PLXNA4: variants seen among roughly 807,000 people sequenced by gnomAD.
PLXNA4 encodes plexin A4.
Under a neutral mutation model 191.8 loss-of-function variants are expected in PLXNA4, and 44 were observed. That is an observed-to-expected ratio of 0.23 (90% CI 0.18 to 0.29). PLXNA4 has a LOEUF of 0.29. Ranked by LOEUF, PLXNA4 falls within the 10% of genes least tolerant of loss-of-function variation. The probability of loss-of-function intolerance (pLI) is 1.00; values close to 1 mark genes in which losing one functional copy is unlikely to be tolerated. For missense variants in PLXNA4, 1,800 were observed against 2,488.8 expected, an observed-to-expected ratio of 0.72 and a Z score of 5.89; for synonymous variants, 1,082 against 1,009.5, an observed-to-expected ratio of 1.07 and a Z score of -1.36.
At chr7:132,168,999 T>C (rs1159330521) in intron 21 of PLXNA4, among the ~76,000 whole-genome samples, 1 of 152,192 alleles carries the variant, frequency 6.6e-6, no homozygotes, top group Admixed American at 6.5e-5. Flanking sequence ...ACTAACCTAA[T>C]GCCCACCCCT....
intron 3 of PLXNA4, among the ~76,000 whole-genome samples, chr7:132,335,689 A>G (rs924935050): frequency 2.0e-5 from 3 of 152,254 alleles, no homozygotes; most frequent in South Asian, 2.1e-4. Flanking sequence ...ATCAACGAAT[A>G]TGAGTTCATG....
chr7:132,459,502 C>T (rs1796423105), intron 3 of PLXNA4, among the ~76,000 whole-genome samples: 1 of 152,186 alleles, frequency 6.6e-6, no homozygotes, highest in South Asian at 2.1e-4. Context: ...TTTGTGGATT[C>T]TTCCAGGGCC....
At chr7:132,138,722 A>G (rs1795183962) in intron 30 of PLXNA4, among the ~76,000 whole-genome samples, 1 of 152,150 alleles carries the variant, frequency 6.6e-6, no homozygotes, top group African/African-American at 2.4e-5. Context: ...AAATAACCCA[A>G]TGGACTGAGT....
upstream of PLXNA4, among the ~76,000 whole-genome samples, chr7:132,579,086 C>T (rs1463235541): frequency 1.3e-5 from 2 of 152,152 alleles, no homozygotes; most frequent in Non-Finnish European, 2.9e-5. Flanking sequence ...CCTGTCACCC[C>T]AAGGTCCATG....
chr7:132,487,032 C>T (rs1233782509), intron 3 of PLXNA4, among the ~76,000 whole-genome samples: 1 of 152,224 alleles, frequency 6.6e-6, no homozygotes, highest in Admixed American at 6.5e-5. Flanking sequence ...ACAAACAGCA[C>T]AAAAATGCAA....
intron 1 of PLXNA4, among the ~76,000 whole-genome samples, chr7:132,647,370 C>A (rs558570216): frequency 1.3e-5 from 2 of 151,736 alleles, no homozygotes; most frequent in South Asian, 4.1e-4. Context: ...CATACACACA[C>A]ACATGCAGTC....
chr7:132,641,614 A>G (rs1803744799), intron 2 of PLXNA4, among the ~76,000 whole-genome samples: 1 of 152,218 alleles, frequency 6.6e-6, no homozygotes, highest in Admixed American at 6.5e-5. Context: ...TCACTTTGCA[A>G]GAGAATAGTG....
At chr7:132,274,789 T>C (rs1229522134) in intron 4 of PLXNA4, among the ~76,000 whole-genome samples, 1 of 147,168 alleles carries the variant, frequency 6.8e-6, no homozygotes, top group Non-Finnish European at 1.5e-5. Context: ...TTTTTTTTTT[T>C]AAGAGACAGG....
chr7:132,578,339 G>A (rs1201688435), upstream of PLXNA4, among the ~76,000 whole-genome samples: 1 of 152,150 alleles, frequency 6.6e-6, no homozygotes, highest in Non-Finnish European at 1.5e-5. Flanking sequence ...CAACCAGCAA[G>A]GACGACCCTC....
intron 3 of PLXNA4, among the ~76,000 whole-genome samples, chr7:132,329,994 G>T (rs548137054): frequency 1.3e-5 from 2 of 152,188 alleles, no homozygotes; most frequent in Admixed American, 1.3e-4. Context: ...CTTTAGAAGC[G>T]TGCTCTCCGT....
chr7:132,287,774 G>C (rs559842386), intron 4 of PLXNA4, among the ~76,000 whole-genome samples: 1 of 152,284 alleles, frequency 6.6e-6, no homozygotes, highest in African/African-American at 2.4e-5. Context: ...GGTGAGGCTG[G>C]TGCCACCCAG....
At chr7:132,441,925 G>T (rs1585140293) in intron 3 of PLXNA4, among the ~76,000 whole-genome samples, 2 of 152,288 alleles carry the variant, frequency 1.3e-5, no homozygotes, top group South Asian at 2.1e-4. Flanking sequence ...TCAGGGTAAG[G>T]AGTGCCAACT....
At chr7:132,256,097 T>C (rs527843361) in intron 4 of PLXNA4, among the ~76,000 whole-genome samples, 1 of 152,198 alleles carries the variant, frequency 6.6e-6, no homozygotes, top group African/African-American at 2.4e-5. Flanking sequence ...GGGACATGAG[T>C]TGGCACGGCA....
rs1310555698 is a variant in PLXNA4 at position 132,179,038 on chromosome 7, A to G, written c.3874+649T>C. 5.6e-5 allele frequency among the ~76,000 whole-genome samples: 7 copies of G among 124,818 alleles called. No individual in the cohort carries two copies. The South Asian group carries it at 8.8e-4, about 16-fold the overall frequency. The allele number at this position is 124,818 out of a possible 152,430, so 81.9% of individuals were successfully genotyped here. Reference sequence around the variant, plus strand: ...CACATATACAGGCGCGCGCGCACACACACACACACACACACACACGGCCTC... The same window carrying G: ...CACATATACAGGCGCGCGCGCACACGCACACACACACACACACACGGCCTC... On this transcript the variant is annotated intron_variant, in intron 20 of 31. Coordinates refer to ENST00000321063, the MANE Select transcript of PLXNA4 (RefSeq NM_020911.2).
chr7:132,336,612 C>T (rs1164432918), intron 3 of PLXNA4, among the ~76,000 whole-genome samples: 2 of 152,112 alleles, frequency 1.3e-5, no homozygotes, highest in Non-Finnish European at 2.9e-5. Flanking sequence ...GTGCTTGGTT[C>T]CAGAACCTCA....
intron 1 of PLXNA4, among the ~76,000 whole-genome samples, chr7:132,550,804 A>C (rs1315992383): frequency 8.3e-5 from 1 of 11,990 alleles, no homozygotes; most frequent in African/African-American, 1.1e-4. Flanking sequence ...TCCCTCATCC[A>C]ATTTGGGACT....
At chr7:132,257,122 A>G (rs1444196483) in intron 4 of PLXNA4, among the ~76,000 whole-genome samples, 1 of 152,202 alleles carries the variant, frequency 6.6e-6, no homozygotes, top group African/African-American at 2.4e-5. Flanking sequence ...TCTGTGACCA[A>G]CGGCTGCTCT....
rs147364219 is a variant in PLXNA4, at chr7:132,510,584, C to T, written c.-86-1805G>A. ...GATACCACCAGAACCTGAACTGATA[C>T]GCACGACAAAAAGTCACATGGCATA... On this transcript the variant is annotated intron_variant, in intron 1 of 31. Transcript: ENST00000321063. Among the ~76,000 whole-genome samples, 92 of 152,288 alleles carry T rather than the reference C, an allele frequency of 6.0e-4. 4 individuals carry two copies. In the South Asian group the frequency reaches 0.018, roughly 29 times the overall value.
chr7:132,237,234 G>C (rs1798732067), intron 5 of PLXNA4, among the ~76,000 whole-genome samples: 1 of 152,104 alleles, frequency 6.6e-6, no homozygotes, highest in Non-Finnish European at 1.5e-5. Context: ...TTAGAACCTG[G>C]ATTTCAGGAC....
Sources: allele counts gnomAD v4.1 joint callset (sites outside exome capture counted in the v4.1 genomes callset), GRCh38; gene constraint gnomAD v4.1.1; transcripts MANE v1.5; gene names NCBI Gene and HGNC (gene_info 2026-07-23, HGNC 2026-07-21).